The following BNC2 variants were observed in gnomAD, a reference collection of about 807,000 sequenced individuals.
The protein encoded by BNC2 is basonuclin zinc finger protein 2.
BNC2 carries 20 observed loss-of-function variants against 76.3 expected under a neutral mutation model. The ratio of observed to expected loss-of-function variants is 0.26; its 90% CI spans 0.18 to 0.38. The LOEUF (loss-of-function observed/expected upper bound fraction) is 0.38, where lower values mean the gene tolerates loss of function less well. Among genes scored for constraint, BNC2 ranks in the 10% least tolerant of loss-of-function variants. The probability of loss-of-function intolerance (pLI) is 1.00; values close to 1 mark genes in which losing one functional copy is unlikely to be tolerated. For synonymous variants in BNC2, 582 were observed against 514.8 expected, an observed-to-expected ratio of 1.13 and a Z score of -1.77; for missense variants, 1,382 against 1,399.8, an observed-to-expected ratio of 0.99 and a Z score of 0.20.
At chr9:16,704,011 C>A (rs1008562875) in intron 3 of BNC2, among the ~76,000 whole-genome samples, 4 of 152,236 alleles carry the variant, frequency 2.6e-5, no homozygotes, top group Admixed American at 6.5e-5. Context: ...AAGAGAAATG[C>A]AGTCCAAAAG....
At chr9:16,727,000 C>T (rs1587356946) in intron 3 of BNC2, 1 of 152,276 alleles carries the variant, frequency 6.6e-6, no homozygotes, top group Non-Finnish European at 1.5e-5. Context: ...TAACCGATGG[C>T]CTCGCGCTAC....
chr9:16,708,433 G>T (rs1424051260), intron 3 of BNC2, among the ~76,000 whole-genome samples: 2 of 152,190 alleles, frequency 1.3e-5, no homozygotes, highest in Non-Finnish European at 2.9e-5. Flanking sequence ...GGAGTCGAGA[G>T]ATTGGCTAAA....
At chr9:16,789,959 T>C (rs1410366986) in intron 1 of BNC2, among the ~76,000 whole-genome samples, 4 of 152,198 alleles carry the variant, frequency 2.6e-5, no homozygotes, top group African/African-American at 9.7e-5. Context: ...TTTTGCATGA[T>C]AATGCAATAC....
chr9:16,618,443 G>A (rs542703457), intron 3 of BNC2, among the ~76,000 whole-genome samples: 25 of 152,252 alleles, frequency 1.6e-4, no homozygotes, highest in African/African-American at 5.8e-4. Flanking sequence ...AAGCTATATC[G>A]AGCATGGCCA....
chr9:16,757,647 T>C (rs574409295), intron 1 of BNC2, among the ~76,000 whole-genome samples: 6 of 48,314 alleles, frequency 1.2e-4, no homozygotes, highest in African/African-American at 2.2e-4. Context: ...CTATGTAATT[T>C]TACTGTTTCC....
At chr9:16,843,600 C>T (rs1191032867) in intron 1 of BNC2, among the ~76,000 whole-genome samples, 2 of 152,372 alleles carry the variant, frequency 1.3e-5, no homozygotes, top group East Asian at 1.9e-4. Context: ...TCCTGAAGTA[C>T]TGGGATTACA....
At chr9:16,644,253 G>A (rs574583166) in intron 3 of BNC2, among the ~76,000 whole-genome samples, 1 of 152,248 alleles carries the variant, frequency 6.6e-6, no homozygotes, top group African/African-American at 2.4e-5. Context: ...TAGATATCTA[G>A]AATAACCTTA....
intron 5 of BNC2, among the ~76,000 whole-genome samples, chr9:16,528,614 T>C (rs537113175): frequency 9.2e-5 from 14 of 152,210 alleles, no homozygotes; most frequent in Non-Finnish European, 2.1e-4. Flanking sequence ...AGTACCTACA[T>C]AATGACCTGG....
chr9:16,647,900 T>G lies in BNC2; in HGVS notation c.331-64815A>C, dbSNP rs28478439. ...GCCATGAACTATATTTCTAATCTTA[T>G]TCAACCATCTCCCAATTTTGAAAAA... On this transcript the variant is annotated intron_variant, in intron 3 of 6. Transcript: ENST00000380672. 7.1e-3 allele frequency among the ~76,000 whole-genome samples: 1,075 copies of G among 152,290 alleles called. 10 individuals are homozygous for G. Among genetic ancestry groups the G allele is most frequent in the African/African-American group, 0.024 (981 of 41,556 alleles).
chr9:16,641,659 C>T (rs889936165), intron 3 of BNC2, among the ~76,000 whole-genome samples: 5 of 152,184 alleles, frequency 3.3e-5, no homozygotes, highest in Non-Finnish European at 5.9e-5. Flanking sequence ...TGTCTGAAAT[C>T]AGTGGTTCCA....
chr9:16,522,062 T>A (rs1452460915), intron 5 of BNC2, among the ~76,000 whole-genome samples: 3 of 152,024 alleles, frequency 2.0e-5, no homozygotes, highest in Non-Finnish European at 2.9e-5. Flanking sequence ...GCTGAGATGA[T>A]TTTGGTGCAT....
At position 16,571,242 on chromosome 9, in the gene BNC2, T is replaced by C. The variant is rs149089239; in HGVS notation, c.433+11741A>G. ...CTTTTTTTAATTAAAAGTGTGTTGA[T>C]AATAGGTGTTTTAAATATATCCAAA... On this transcript the variant is annotated intron_variant, in intron 4 of 6. Transcript: ENST00000380672. 6.8e-3 allele frequency among the ~76,000 whole-genome samples: 1,040 copies of C among 152,264 alleles called. 18 individuals are homozygous for C. The highest frequency in any genetic ancestry group is 0.041 in the South Asian group (196 of 4,824).
At chr9:16,423,039 A>T (rs984584501) in intron 6 of BNC2, among the ~76,000 whole-genome samples, 14 of 152,220 alleles carry the variant, frequency 9.2e-5, no homozygotes, top group African/African-American at 3.1e-4. Context: ...AGACCCTAAA[A>T]TGGCAGGAAG....
intron 1 of BNC2, among the ~76,000 whole-genome samples, chr9:16,766,551 C>A (rs556550045): frequency 6.6e-5 from 10 of 152,276 alleles, no homozygotes; most frequent in Admixed American, 2.6e-4. Context: ...CAATCTAAGT[C>A]CTTTTGTTTA....
chr9:16,747,672 C>T (rs1194464840), intron 1 of BNC2, among the ~76,000 whole-genome samples: 1 of 152,160 alleles, frequency 6.6e-6, no homozygotes, highest in Non-Finnish European at 1.5e-5. Flanking sequence ...CATTGCCTCT[C>T]CAGGTTTCTA....
Position 16,419,289 on chromosome 9 carries a change from C to T in BNC2, c.3000G>A (p.Gly1000=), listed in dbSNP as rs1820658175. 2 of 1,613,984 alleles carry T rather than the reference C, an allele frequency of 1.2e-6. No individual in the cohort carries two copies. The highest frequency in any genetic ancestry group is 1.7e-5 in the Admixed American group (1 of 60,012). The change falls in exon 7 of 7, where the codon GGG becomes GGA. Residue 1000 remains glycine (G), a synonymous_variant. Transcript: ENST00000380672. ...GGGCCTCGGCCTTGTGTGCCGACTC[C>T]CCACTGTCACTCGCCCCGTCAATGT... ...LDDIDGASDS[G]ESAHKAEAPA... is the part of the protein sequence containing the mutation.
chr9:16,525,068 AGT>A (rs1218960980), intron 5 of BNC2, among the ~76,000 whole-genome samples: 1 of 97,914 alleles, frequency 1.0e-5, no homozygotes, highest in Non-Finnish European at 2.6e-5. Context: ...AGAGACCCGG[AGT>A]GGGGGAGGGG....
At chr9:16,711,246 A>G (rs1407594650) in intron 3 of BNC2, among the ~76,000 whole-genome samples, 1 of 152,196 alleles carries the variant, frequency 6.6e-6, no homozygotes, top group East Asian at 1.9e-4. Context: ...CTACAGAACA[A>G]CAGGGTCACT....
chr9:16,785,443 G>A (rs535723103), intron 1 of BNC2, among the ~76,000 whole-genome samples: 1 of 152,042 alleles, frequency 6.6e-6, no homozygotes, highest in Non-Finnish European at 1.5e-5. Context: ...CACCCAGGTC[G>A]GAGTGCAGTG....
Sources: gnomAD v4.1 joint callset for allele counts (sites outside exome capture counted in the v4.1 genomes callset) on GRCh38, gnomAD v4.1.1 for gene constraint, MANE v1.5 for transcripts, NCBI Gene and HGNC (gene_info 2026-07-23, HGNC 2026-07-21) for gene names.